TPRG1: variants seen among roughly 807,000 people sequenced by gnomAD.
TPRG1 encodes tumor protein p63-regulated gene 1 protein.
Under a neutral mutation model 29.3 loss-of-function variants are expected in TPRG1, and 29 were observed. The ratio of observed to expected loss-of-function variants is 0.99; its 90% CI spans 0.74 to 1.35. The LOEUF is 1.35. Among genes scored for constraint, TPRG1 ranks in the 40% most tolerant of loss-of-function variants. TPRG1 has a pLI of 0.00. For missense variants in TPRG1, 327 were observed against 335.0 expected, an observed-to-expected ratio of 0.98 and a Z score of 0.19; for synonymous variants, 130 against 116.8, an observed-to-expected ratio of 1.11 and a Z score of -0.73.
chr3:189,201,910 C>G (rs1733559885), intron 1 of TPRG1, among the ~76,000 whole-genome samples: 1 of 152,150 alleles, frequency 6.6e-6, no homozygotes, highest in South Asian at 2.1e-4. Flanking sequence ...CTTGGCCTCC[C>G]AAATTGTTGA....
intron 4 of TPRG1, among the ~76,000 whole-genome samples, chr3:189,251,147 T>C (rs1158312044): frequency 2.6e-5 from 4 of 151,832 alleles, no homozygotes; most frequent in Non-Finnish European, 4.4e-5. Context: ...TCTTCCTTCC[T>C]CTCCATGTGC....
chr3:189,199,824 G>A (rs1447058907), intron 1 of TPRG1, among the ~76,000 whole-genome samples: 1 of 152,132 alleles, frequency 6.6e-6, no homozygotes, highest in Non-Finnish European at 1.5e-5. Flanking sequence ...AGGTTGCAGT[G>A]AGCTGAGATC....
chr3:189,131,716 T>C (rs1371517008), intron 2 of TPRG1, among the ~76,000 whole-genome samples: 1 of 152,284 alleles, frequency 6.6e-6, no homozygotes, highest in Non-Finnish European at 1.5e-5. Flanking sequence ...TTTATCCTTA[T>C]CCTATATTGG....
rs562114475 is a variant in TPRG1 at position 189,279,299 on chromosome 3, C to G, written c.480-31087C>G. 3.9e-5 allele frequency among the ~76,000 whole-genome samples: 6 copies of G among 152,170 alleles called. No homozygotes were observed. In the East Asian group the frequency reaches 5.8e-4, roughly 15 times the overall value. On this transcript the variant is annotated intron_variant, in intron 4 of 5. Coordinates refer to ENST00000345063, the MANE Select transcript of TPRG1 (RefSeq NM_198485.4). The stretch of plus-strand genomic sequence containing the variant: ...TTGGTGGGCCCTATTCTATCCTGTT[C>G]AACTTTCTATGCATGATTCAGTTGA...
At chr3:189,050,545 A>C (rs1715251789) in intron 4 of TPRG1, among the ~76,000 whole-genome samples, 1 of 152,174 alleles carries the variant, frequency 6.6e-6, no homozygotes, top group African/African-American at 2.4e-5. Flanking sequence ...CTATTCCACA[A>C]GATAGAGAAA....
chr3:189,219,121 A>C (rs1736538605), intron 3 of TPRG1, among the ~76,000 whole-genome samples: 1 of 152,242 alleles, frequency 6.6e-6, no homozygotes, highest in Non-Finnish European at 1.5e-5. Flanking sequence ...TAGAAGAATA[A>C]AACAATGCAT....
chr3:189,215,630 G>A (rs1335136733), intron 3 of TPRG1, among the ~76,000 whole-genome samples: 1 of 152,038 alleles, frequency 6.6e-6, no homozygotes, highest in African/African-American at 2.4e-5. Context: ...CTTAGGTCAG[G>A]CCTGTATCTC....
At chr3:189,195,774 A>G (rs1400836225) in intron 1 of TPRG1, among the ~76,000 whole-genome samples, 2 of 152,166 alleles carry the variant, frequency 1.3e-5, no homozygotes, top group Non-Finnish European at 2.9e-5. Context: ...TGTTGTAGAC[A>G]GAAGTTCCTC....
chr3:189,168,150 G>T (rs1728380718), upstream of TPRG1, among the ~76,000 whole-genome samples: 1 of 152,214 alleles, frequency 6.6e-6, no homozygotes, highest in African/African-American at 2.4e-5. Flanking sequence ...AAAGCAGTTT[G>T]TCTGAGTCCT....
intron 4 of TPRG1, among the ~76,000 whole-genome samples, chr3:189,040,243 G>A (rs892368484): frequency 6.6e-6 from 1 of 152,190 alleles, no homozygotes; most frequent in South Asian, 2.1e-4. Flanking sequence ...TAATCTTAAT[G>A]AAAATTAAAT....
chr3:189,057,747 T>C (rs1052979764), intron 4 of TPRG1, among the ~76,000 whole-genome samples: 5 of 146,548 alleles, frequency 3.4e-5, no homozygotes, highest in African/African-American at 7.6e-5. Context: ...AGTATATATA[T>C]ACATATATAT....
At chr3:189,067,731 C>G (rs1716546608) in intron 4 of TPRG1, among the ~76,000 whole-genome samples, 1 of 152,108 alleles carries the variant, frequency 6.6e-6, no homozygotes, top group Non-Finnish European at 1.5e-5. Context: ...TAAAGGAAAA[C>G]ATTGGGGAAA....
At chr3:189,226,710 A>C (rs531364883) in intron 3 of TPRG1, among the ~76,000 whole-genome samples, 15 of 151,024 alleles carry the variant, frequency 9.9e-5, no homozygotes, top group Middle Eastern at 3.4e-3. Context: ...AACAAAAAAA[A>C]CCGAAAGAAC....
intron 1 of TPRG1, among the ~76,000 whole-genome samples, chr3:189,106,698 G>T (rs766821075): frequency 6.6e-5 from 10 of 152,096 alleles, no homozygotes; most frequent in African/African-American, 1.4e-4. Context: ...ATAAATGATT[G>T]TCACACACTG....
intron 4 of TPRG1, among the ~76,000 whole-genome samples, chr3:189,267,408 G>A (rs1008914343): frequency 3.9e-5 from 6 of 152,132 alleles, no homozygotes; most frequent in Non-Finnish European, 7.4e-5. Context: ...AACTAAGAGG[G>A]TAAATATATA....
rs145708806 is a variant in TPRG1 at position 189,154,068 on chromosome 3, T to C, written c.-10+3196T>C. ...CCAAATGTAGAGCACACATTTATCA[T>C]TAGCATGCTTTAAATGGAGAGAGGA... On this transcript the variant is annotated intron_variant, in intron 5 of 6. Transcript: ENST00000412373. 1.3e-3 allele frequency among the ~76,000 whole-genome samples: 204 copies of C among 152,316 alleles called. 1 individual carries two copies. The highest frequency in any genetic ancestry group is 4.6e-3 in the African/African-American group (192 of 41,572).
At chr3:189,134,832 C>T (rs1335723211) in intron 3 of TPRG1, among the ~76,000 whole-genome samples, 2 of 152,160 alleles carry the variant, frequency 1.3e-5, no homozygotes, top group Admixed American at 6.5e-5. Context: ...AGAGCCTTGA[C>T]CACCTGACTC....
rs1560688752 is a variant in TPRG1, at chr3:189,312,101, CTTTGTTTCTTTCTTTG to C, written c.633+1566_633+1581del. Among the ~76,000 whole-genome samples, 143 of 62,776 alleles carry C rather than the reference CTTTGTTTCTTTCTTTG, an allele frequency of 2.3e-3. 4 individuals are homozygous for C. Among genetic ancestry groups the C allele is most frequent in the African/African-American group, 6.3e-3 (95 of 14,996 alleles). 41.2% of individuals were successfully genotyped at this position (62,776 alleles called of 152,430 possible). On this transcript the variant is annotated intron_variant, in intron 5 of 5. Coordinates refer to ENST00000345063, the MANE Select transcript of TPRG1 (RefSeq NM_198485.4). Reference sequence around the variant, plus strand: ...TTTATGTTTCTTTCTTTCTTTGTTTCTTTGTTTCTTTCTTTGTTTCTTTCTTTCTTTCTTTCTTTCT... The same window carrying C: ...TTTATGTTTCTTTCTTTCTTTGTTTCTTTCTTTCTTTCTTTCTTTCTTTCT...
chr3:189,169,905 C>A (rs4687026), upstream of TPRG1, among the ~76,000 whole-genome samples: 6 of 151,936 alleles, frequency 3.9e-5, no homozygotes, highest in Non-Finnish European at 5.9e-5. Context: ...ACTCCTACTG[C>A]TTGTGCCCCT....
Sources: gnomAD v4.1 joint callset for allele counts (sites outside exome capture counted in the v4.1 genomes callset) on GRCh38, gnomAD v4.1.1 for gene constraint, MANE v1.5 for transcripts, NCBI Gene and HGNC (gene_info 2026-07-23, HGNC 2026-07-21) for gene names.